CNGB3: variants seen among roughly 807,000 people sequenced by gnomAD.
The protein encoded by CNGB3 is cyclic nucleotide-gated channel beta-3.
A neutral mutation model predicts 92.8 loss-of-function variants in CNGB3; 86 were observed. The ratio of observed to expected loss-of-function variants is 0.93; its 90% CI spans 0.78 to 1.11. CNGB3 has a LOEUF of 1.11. CNGB3 is among the 50% of genes least tolerant of loss of function. The probability of loss-of-function intolerance (pLI) is 0.00; values close to 1 mark genes in which losing one functional copy is unlikely to be tolerated. For missense variants in CNGB3, 1,026 were observed against 956.8 expected (o/e 1.07, Z -0.95); for synonymous variants, 333 against 332.7 (o/e 1.00, Z -0.01).
chr8:86,678,217 C>T (rs1781981886), intron 3 of CNGB3, among the ~76,000 whole-genome samples: 1 of 152,290 alleles, frequency 6.6e-6, no homozygotes, highest in East Asian at 1.9e-4. Flanking sequence ...TCTCACTTTA[C>T]ATACATGAGT....
chr8:86,655,643 C>T (rs1451291501), intron 6 of CNGB3, among the ~76,000 whole-genome samples: 1 of 152,136 alleles, frequency 6.6e-6, no homozygotes, highest in African/African-American at 2.4e-5. Flanking sequence ...TAAAATCCCA[C>T]CATTTTTCTT....
chr8:86,670,890 AC>A, intron 4 of CNGB3, 53 bp downstream of exon 4: 2 of 1,591,618 alleles, frequency 1.3e-6, no homozygotes, highest in South Asian at 2.2e-5. Context: ...TCTGCAAAAC[AC>A]AGGTCCCCTC....
At chr8:86,680,790 G>A (rs566379868) in intron 3 of CNGB3, among the ~76,000 whole-genome samples, 15 of 152,234 alleles carry the variant, frequency 9.9e-5, no homozygotes, top group Admixed American at 7.2e-4. Context: ...GTTGTGGGGT[G>A]AGGAGGGGAG....
intron 13 of CNGB3, among the ~76,000 whole-genome samples, chr8:86,620,539 A>G (rs774854076): frequency 9.2e-5 from 14 of 152,012 alleles, no homozygotes; most frequent in Non-Finnish European, 1.8e-4. Flanking sequence ...TAACTGAATC[A>G]CCTGTTTCAG....
chr8:86,673,123 T>C (rs1823893540), intron 3 of CNGB3, among the ~76,000 whole-genome samples: 2 of 152,222 alleles, frequency 1.3e-5, no homozygotes, highest in South Asian at 4.1e-4. Flanking sequence ...AAATATAAGT[T>C]ACACAGTGTC....
rs566317758 is a variant in CNGB3, at chr8:86,607,832, A to G, written c.1663-3621T>C. The stretch of plus-strand genomic sequence containing the variant: ...TGTCATCTCTTAAATTATATAGATA[A>G]CCTCAAATTGAACGTATTTTTTTCC... On this transcript the variant is annotated intron_variant, in intron 14 of 17. Transcript: ENST00000320005. Among the ~76,000 whole-genome samples the G allele has an allele frequency of 4.6e-5, 7 of 152,170 alleles. 1 individual carries two copies. The South Asian group carries it at 8.3e-4, about 18-fold the overall frequency.
intron 3 of CNGB3, among the ~76,000 whole-genome samples, chr8:86,694,178 ACCC>A (rs1237773605): frequency 1.6e-5 from 1 of 62,702 alleles, no homozygotes; most frequent in Non-Finnish European, 3.3e-5. Context: ...CGGGGGGCTG[ACCC>A]CCCCCACCTC....
At chr8:86,624,376 G>T (rs28483793) in intron 13 of CNGB3, among the ~76,000 whole-genome samples, 22,177 of 152,146 alleles carry the variant, frequency 0.15, 1,704 homozygotes, top group Admixed American at 0.23. Context: ...CTGGGATTGT[G>T]TCACTGTACT....
chr8:86,715,643 A>C (rs184144950), intron 3 of CNGB3, among the ~76,000 whole-genome samples: 1 of 152,248 alleles, frequency 6.6e-6, no homozygotes. Flanking sequence ...GATCTAAACC[A>C]AGATGAAATC....
chr8:86,628,198 G>T (rs1822886342), intron 12 of CNGB3, among the ~76,000 whole-genome samples: 2 of 152,178 alleles, frequency 1.3e-5, no homozygotes, highest in Middle Eastern at 3.4e-3. Context: ...ACAGAATCTG[G>T]CTCTGTTGCC....
chr8:86,653,590 TC>T (rs1186185673), intron 7 of CNGB3, among the ~76,000 whole-genome samples: 1 of 152,174 alleles, frequency 6.6e-6, no homozygotes, highest in Non-Finnish European at 1.5e-5. Context: ...TTCCATGTTA[TC>T]TAAACAATTG....
intron 3 of CNGB3, among the ~76,000 whole-genome samples, chr8:86,702,022 A>G (rs923386130): frequency 1.1e-4 from 16 of 152,234 alleles, no homozygotes; most frequent in Non-Finnish European, 2.1e-4. Context: ...ATTAGTTGAT[A>G]TGGACAGCCC....
At position 86,667,103 on chromosome 8, in the gene CNGB3, A is replaced by G. The variant is rs770892026; in HGVS notation, c.674T>C (p.Val225Ala). ...DRLYLLWLLL[V>A]TLAYNWNCCF... ...GCAGTTCCAGTTATAGGCAAGAGTG[A>G]CAAGCAAGAGCCACAGGAGATAGAG... is the stretch of plus-strand genomic sequence containing the variant. The change falls in exon 6 of 18, where the codon GTC becomes GCC. Residue 225 changes from valine (V) to alanine (A), a missense_variant. Transcript: ENST00000320005. 1.9e-6 allele frequency: 3 copies of G among 1,613,898 alleles called. No individual in the cohort carries two copies. The African/African-American group carries it at 4.0e-5, about 22-fold the overall frequency.
chr8:86,671,421 C>G (rs1278134276), intron 3 of CNGB3, among the ~76,000 whole-genome samples: 1 of 152,156 alleles, frequency 6.6e-6, no homozygotes, highest in Non-Finnish European at 1.5e-5. Flanking sequence ...CCTAAGATGG[C>G]CCCAAGATTC....
chr8:86,724,435 TA>T (rs1201607130), intron 3 of CNGB3, among the ~76,000 whole-genome samples: 4 of 152,262 alleles, frequency 2.6e-5, no homozygotes, highest in Admixed American at 2.0e-4. Flanking sequence ...TTTGAAAATC[TA>T]GCAGTTCAAG....
In CNGB3 at chr8:86,692,090, C is replaced by G. The variant is rs192886690; in HGVS notation, c.339-20992G>C. ...TTTATTCCACTGTGGTCTGAGACAG[C>G]ACTTGCTATAATTTTGATTTTCTTA... On this transcript the variant is annotated intron_variant, in intron 3 of 17. Coordinates refer to ENST00000320005, the MANE Select transcript of CNGB3 (RefSeq NM_019098.5). Among the ~76,000 whole-genome samples the G allele has an allele frequency of 3.4e-3, 523 of 152,204 alleles. 3 individuals are homozygous for G. Among genetic ancestry groups the G allele is most frequent in the African/African-American group, 0.012 (508 of 41,540 alleles).
At chr8:86,623,455 C>T (rs1042410468) in intron 13 of CNGB3, among the ~76,000 whole-genome samples, 13 of 152,212 alleles carry the variant, frequency 8.5e-5, no homozygotes, top group East Asian at 5.8e-4. Context: ...TCCAAGATGG[C>T]GCCTTGTTGC....
At position 86,647,882 on chromosome 8, in the gene CNGB3, A is replaced by T; in HGVS notation, c.909T>A (p.Asp303Glu). Residue 303 changes from aspartate (D) to glutamate (E), a missense_variant, in exon 8 of 18, where the codon GAT becomes GAA. Transcript: ENST00000320005. ...HYRTSTKFQL[D>E]VASIIPFDIC... Reference sequence around the variant, plus strand: ...TATCAAATGGTATTATTGATGCGACATCCAACTGTTGAAAGAACACATTCA... The same window carrying T: ...TATCAAATGGTATTATTGATGCGACTTCCAACTGTTGAAAGAACACATTCA... 4 of 1,585,882 alleles carry T rather than the reference A, an allele frequency of 2.5e-6. No individual in the cohort carries two copies. The highest frequency in any genetic ancestry group is 3.5e-6 in the Non-Finnish European group (4 of 1,155,296).
At chr8:86,705,398 C>T (rs1433084491) in intron 3 of CNGB3, among the ~76,000 whole-genome samples, 6 of 152,026 alleles carry the variant, frequency 3.9e-5, no homozygotes, top group African/African-American at 7.3e-5. Context: ...AGACGACCTG[C>T]CCCCGCTGCC....
Sources: allele counts gnomAD v4.1 joint callset (sites outside exome capture counted in the v4.1 genomes callset), GRCh38; gene constraint gnomAD v4.1.1; transcripts MANE v1.5; gene names NCBI Gene and HGNC (gene_info 2026-07-23, HGNC 2026-07-21).